Variants in AGFG1 observed in about 807,000 individuals in gnomAD.
AGFG1 encodes ArfGAP with FG repeats 1.
In AGFG1, 10 loss-of-function variants were observed where a neutral mutation model predicts 60.6. The observed-to-expected ratio is 0.16, with a 90% CI of 0.10 to 0.28. The LOEUF (loss-of-function observed/expected upper bound fraction) is 0.28. AGFG1 is among the 10% of genes least tolerant of loss of function. The pLI is 1.00. For missense variants in AGFG1, 537 were observed against 676.5 expected, an observed-to-expected ratio of 0.79 and a Z score of 2.29; for synonymous variants, 247 against 242.9, an observed-to-expected ratio of 1.02 and a Z score of -0.16.
chr2:227,514,524 G>T (rs751540640), intron 2 of AGFG1, among the ~76,000 whole-genome samples: 6 of 152,058 alleles, frequency 3.9e-5, no homozygotes, highest in Admixed American at 2.6e-4. Flanking sequence ...TTATATACCT[G>T]TTCCCAGTAC....
In AGFG1 at chr2:227,557,401, C is replaced by T. The variant is rs1693004351; in HGVS notation, c.*2906C>T. ...AATTCCCCGCCCCCCTGCACACACA[C>T]CCACTTTAGTACAGTTCCTGTCAAT... On this transcript the variant is annotated 3_prime_UTR_variant, in exon 13 of 13. Coordinates refer to ENST00000310078, the MANE Select transcript of AGFG1 (RefSeq NM_004504.5). 1 of 152,166 alleles carries T rather than the reference C, an allele frequency of 6.6e-6. No individual in the cohort carries two copies. The highest frequency in any genetic ancestry group is 2.4e-5 in the African/African-American group (1 of 41,442). The allele number at this position is 152,166 out of a possible 1,614,324, so 9.4% of individuals were successfully genotyped here. A position where few individuals can be genotyped will look rare whatever the true frequency, so the allele number is the denominator to read the frequency against.
At chr2:227,536,494 T>C (rs1692317569) in intron 8 of AGFG1, 131 bp from the exon 9 acceptor site, 2 of 638,434 alleles carry the variant, frequency 3.1e-6, no homozygotes, top group Admixed American at 5.6e-5. Context: ...CACTTAAATG[T>C]CTTAATTTTC....
chr2:227,536,577 C>A, intron 8 of AGFG1, 48 bp from the exon 9 acceptor site: 1 of 1,311,738 alleles, frequency 7.6e-7, no homozygotes, highest in Admixed American at 1.9e-5. Flanking sequence ...TCGTTACTTT[C>A]TTTTTTTTTT....
At chr2:227,513,566 A>G (rs912977419) in intron 2 of AGFG1, among the ~76,000 whole-genome samples, 2 of 152,166 alleles carry the variant, frequency 1.3e-5, no homozygotes, top group Non-Finnish European at 2.9e-5. Context: ...ATGGGTAGTG[A>G]TATGCCCTGC....
intron 2 of AGFG1, 57 bp downstream of exon 2, chr2:227,491,697 A>G: frequency 1.0e-6 from 1 of 1,001,290 alleles, no homozygotes; most frequent in South Asian, 1.7e-5. Context: ...CAGTCATTTT[A>G]ATGAGATTTA....
intron 2 of AGFG1, among the ~76,000 whole-genome samples, chr2:227,498,144 T>TA (rs552439132): frequency 1.3e-3 from 195 of 151,986 alleles, no homozygotes; most frequent in African/African-American, 4.4e-3. Context: ...TTTTTAAAAT[T>TA]AAAAAAAAAT....
At chr2:227,504,100 G>A (rs572393120) in intron 2 of AGFG1, among the ~76,000 whole-genome samples, 19 of 152,126 alleles carry the variant, frequency 1.2e-4, no homozygotes, top group Non-Finnish European at 2.8e-4. Context: ...GGAGGAAGAG[G>A]AGGAGGGAGG....
chr2:227,501,420 AT>A (rs1691151498), intron 2 of AGFG1, among the ~76,000 whole-genome samples: 3 of 152,278 alleles, frequency 2.0e-5, no homozygotes, highest in African/African-American at 7.2e-5. Context: ...TATTCGTTCA[AT>A]TTTTTGAGGT....
chr2:227,473,033 C>T (rs1324851759), intron 1 of AGFG1, among the ~76,000 whole-genome samples: 2 of 144,928 alleles, frequency 1.4e-5, no homozygotes, highest in Non-Finnish European at 3.0e-5. Flanking sequence ...CTCTCAGCGG[C>T]CCGGGAGCCG....
chr2:227,501,577 C>G (rs528884103), intron 2 of AGFG1, among the ~76,000 whole-genome samples: 7 of 152,192 alleles, frequency 4.6e-5, no homozygotes, highest in Admixed American at 1.3e-4. Flanking sequence ...TCTTCCTATT[C>G]AGTCCTTCCC....
intron 4 of AGFG1, 112 bp downstream of exon 4, chr2:227,524,037 GT>G (rs1691904502): frequency 2.8e-6 from 3 of 1,055,092 alleles, no homozygotes; most frequent in Non-Finnish European, 2.7e-6. Flanking sequence ...GTAGCATTAT[GT>G]TCCAATGGTT....
intron 1 of AGFG1, among the ~76,000 whole-genome samples, chr2:227,474,455 A>C (rs1690223239): frequency 6.6e-6 from 1 of 152,252 alleles, no homozygotes; most frequent in Non-Finnish European, 1.5e-5. Context: ...ACATTTCAGA[A>C]ACATTGTGCA....
intron 2 of AGFG1, among the ~76,000 whole-genome samples, chr2:227,513,406 T>G (rs780113360): frequency 1.2e-4 from 18 of 152,164 alleles, no homozygotes; most frequent in Admixed American, 4.6e-4. Context: ...TTTCAGCTGA[T>G]TGAAGGAAAG....
In AGFG1 at chr2:227,503,806, A is replaced by G. The variant is rs115810837; in HGVS notation, c.261+12166A>G. 5.8e-3 allele frequency among the ~76,000 whole-genome samples: 886 copies of G among 152,294 alleles called. 3 individuals carry two copies. Among genetic ancestry groups the G allele is most frequent in the African/African-American group, 0.018 (761 of 41,550 alleles). ...TTCAGGGAATTTGCTCATTTCATCTAAGTTGTCATATTTATTGACATAAAG... is the reference window on the plus strand; with the variant it reads ...TTCAGGGAATTTGCTCATTTCATCTGAGTTGTCATATTTATTGACATAAAG... On this transcript the variant is annotated intron_variant, in intron 2 of 12. Coordinates refer to ENST00000310078, the MANE Select transcript of AGFG1 (RefSeq NM_004504.5).
chr2:227,521,377 T>G (rs1324135716), intron 3 of AGFG1, among the ~76,000 whole-genome samples: 1 of 152,176 alleles, frequency 6.6e-6, no homozygotes, highest in Non-Finnish European at 1.5e-5. Context: ...TAAAATAGAC[T>G]ACTTTTTGCA....
chr2:227,523,726 C>CA lies in AGFG1; in HGVS notation c.378-36dup, dbSNP rs753995400. 3 of 1,572,694 alleles carry CA rather than the reference C, an allele frequency of 1.9e-6. No individual in the cohort carries two copies. In the Admixed American group the frequency reaches 5.2e-5, roughly 27 times the overall value. ...TCATTTTTTGATATAGAATTACCTA[C>CA]ATTTTTTTTTAGTTAACTGTTTTTT... On this transcript the variant is annotated intron_variant, in intron 3 of 12. Transcript: ENST00000310078.
intron 2 of AGFG1, among the ~76,000 whole-genome samples, chr2:227,503,165 G>A (rs1168473188): frequency 3.3e-5 from 5 of 151,452 alleles, no homozygotes; most frequent in Admixed American, 3.3e-4. Flanking sequence ...CTTTGGGGAG[G>A]TTTTAGGCTG....
chr2:227,515,905 A>C (rs1228961456), intron 2 of AGFG1, among the ~76,000 whole-genome samples: 1 of 152,206 alleles, frequency 6.6e-6, no homozygotes, highest in Non-Finnish European at 1.5e-5. Flanking sequence ...GCAACCTTTC[A>C]GGGACTAAAC....
At chr2:227,535,160 A>C (rs1692269729) in intron 8 of AGFG1, 135 bp downstream of exon 8, 3 of 940,470 alleles carry the variant, frequency 3.2e-6, no homozygotes, top group Non-Finnish European at 4.5e-6. Context: ...GAGGAATTTG[A>C]ATTTAAATGC....
Sources: allele counts gnomAD v4.1 joint callset (sites outside exome capture counted in the v4.1 genomes callset), GRCh38; gene constraint gnomAD v4.1.1; transcripts MANE v1.5; gene names NCBI Gene and HGNC (gene_info 2026-07-23, HGNC 2026-07-21).